Variants in CNTNAP2 observed in about 807,000 individuals in gnomAD.
The protein encoded by CNTNAP2 is contactin associated protein 2.
In CNTNAP2, 98 loss-of-function variants were observed where a neutral mutation model predicts 155.2. The observed-to-expected ratio is 0.63, with a 90% CI of 0.54 to 0.75. The LOEUF (loss-of-function observed/expected upper bound fraction) is 0.75, where lower values mean the gene tolerates loss of function less well. CNTNAP2 is among the 30% of genes least tolerant of loss of function. The pLI is 0.00. For synonymous variants in CNTNAP2, 651 were observed against 631.2 expected, an observed-to-expected ratio of 1.03 and a Z score of -0.47; for missense variants, 1,727 against 1,688.1, an observed-to-expected ratio of 1.02 and a Z score of -0.40.
At chr7:147,747,031 A>G (rs10500192) in intron 13 of CNTNAP2, among the ~76,000 whole-genome samples, 29,273 of 152,204 alleles carry the variant, frequency 0.19, 3,239 homozygotes, top group Middle Eastern at 0.38. Flanking sequence ...TTCTACAAGA[A>G]AGGGTCACAT....
At chr7:146,291,869 G>A (rs528948760) in intron 1 of CNTNAP2, among the ~76,000 whole-genome samples, 1 of 152,094 alleles carries the variant, frequency 6.6e-6, no homozygotes, top group South Asian at 2.1e-4. Flanking sequence ...TAACAGCAAA[G>A]ATAGACAAAT....
chr7:147,445,851 G>A (rs1282339819), intron 10 of CNTNAP2, among the ~76,000 whole-genome samples: 1 of 152,008 alleles, frequency 6.6e-6, no homozygotes, highest in Non-Finnish European at 1.5e-5. Context: ...CTAGAGTGCA[G>A]TGGCATGAAC....
At chr7:147,472,204 C>CTTTTTTTTTT (rs542047274) in intron 10 of CNTNAP2, among the ~76,000 whole-genome samples, 4 of 81,068 alleles carry the variant, frequency 4.9e-5, no homozygotes, top group African/African-American at 1.5e-4. Context: ...TCTTTTTTTC[C>CTTTTTTTTTT]TTTTTTTTTT....
At chr7:147,434,129 G>A (rs1457921549) in intron 10 of CNTNAP2, among the ~76,000 whole-genome samples, 1 of 152,152 alleles carries the variant, frequency 6.6e-6, no homozygotes, top group Non-Finnish European at 1.5e-5. Flanking sequence ...ATATGTTCTT[G>A]ATGCCTATTC....
chr7:146,655,968 A>T (rs1042274753), intron 1 of CNTNAP2, among the ~76,000 whole-genome samples: 2 of 152,184 alleles, frequency 1.3e-5, no homozygotes, highest in Admixed American at 6.5e-5. Context: ...TGTTTGGGTG[A>T]TTTCCACTGA....
intron 17 of CNTNAP2, among the ~76,000 whole-genome samples, chr7:148,157,408 A>G (rs10256938): frequency 0.21 from 31,774 of 151,864 alleles, 3,499 homozygotes; most frequent in African/African-American, 0.29. Context: ...GTTAATATCC[A>G]TATTCAAAAT....
intron 1 of CNTNAP2, among the ~76,000 whole-genome samples, chr7:146,177,608 G>C (rs188974706): frequency 6.6e-6 from 1 of 152,106 alleles, no homozygotes; most frequent in Non-Finnish European, 1.5e-5. Context: ...AGTTTAGTTC[G>C]TACCGGATTT....
At chr7:147,890,328 T>C (rs962983975) in intron 13 of CNTNAP2, among the ~76,000 whole-genome samples, 2 of 152,220 alleles carry the variant, frequency 1.3e-5, no homozygotes, top group African/African-American at 4.8e-5. Flanking sequence ...AGGCTGAAAA[T>C]TATTGATCCA....
At chr7:147,019,905 T>G (rs1798789582) in intron 3 of CNTNAP2, among the ~76,000 whole-genome samples, 1 of 151,832 alleles carries the variant, frequency 6.6e-6, no homozygotes, top group African/African-American at 2.4e-5. Flanking sequence ...AGAAAAAAAA[T>G]AAGTGGACAG....
At position 148,236,437 on chromosome 7, in the gene CNTNAP2, A is replaced by G. The variant is rs534935800; in HGVS notation, c.3381+6658A>G. ...GCTCTAAATATCTAGACTTTTTTCT[A>G]TTCTTTTCATTGATTATTGGGAACT... On this transcript the variant is annotated intron_variant, in intron 20 of 23. Coordinates refer to ENST00000361727, the MANE Select transcript of CNTNAP2 (RefSeq NM_014141.6). Among the ~76,000 whole-genome samples the G allele has an allele frequency of 9.2e-5, 14 of 152,202 alleles. No individual in the cohort carries two copies. In the East Asian group the frequency reaches 1.4e-3, roughly 15 times the overall value.
At chr7:146,731,716 G>A (rs185090075) in intron 1 of CNTNAP2, among the ~76,000 whole-genome samples, 10 of 152,132 alleles carry the variant, frequency 6.6e-5, no homozygotes, top group East Asian at 3.9e-4. Flanking sequence ...TGTTTTTAAC[G>A]TATAAAATTA....
intron 12 of CNTNAP2, among the ~76,000 whole-genome samples, chr7:147,585,762 T>G (rs1156781414): frequency 1.0e-5 from 1 of 98,012 alleles, no homozygotes; most frequent in Non-Finnish European, 1.9e-5. Flanking sequence ...TGTGTCTGTT[T>G]GTGTGTATAT....
intron 14 of CNTNAP2, among the ~76,000 whole-genome samples, chr7:147,905,913 A>C (rs1308106727): frequency 2.0e-5 from 3 of 149,802 alleles, no homozygotes; most frequent in Non-Finnish European, 3.0e-5. Flanking sequence ...AAACAAACAA[A>C]CAAAAAAAAA....
At chr7:146,184,670 G>C (rs1272000594) in intron 1 of CNTNAP2, among the ~76,000 whole-genome samples, 2 of 152,202 alleles carry the variant, frequency 1.3e-5, no homozygotes, top group Non-Finnish European at 2.9e-5. Context: ...GGTACTTCAT[G>C]AAGGATGGTT....
At chr7:146,846,178 G>A (rs934244483) in intron 3 of CNTNAP2, among the ~76,000 whole-genome samples, 3 of 152,060 alleles carry the variant, frequency 2.0e-5, no homozygotes, top group African/African-American at 7.2e-5. Context: ...GGACATGAAT[G>A]TGATTCTTTT....
At chr7:147,632,957 G>A (rs930040872) in intron 12 of CNTNAP2, among the ~76,000 whole-genome samples, 2 of 152,200 alleles carry the variant, frequency 1.3e-5, no homozygotes, top group Admixed American at 1.3e-4. Flanking sequence ...TCAAGAGGAA[G>A]CAGAGCATAA....
intron 15 of CNTNAP2, among the ~76,000 whole-genome samples, chr7:148,117,413 A>C (rs1322949957): frequency 1.3e-5 from 2 of 152,168 alleles, no homozygotes; most frequent in African/African-American, 4.8e-5. Context: ...TAGTCTGGTC[A>C]CTTCTGCCTC....
intron 1 of CNTNAP2, among the ~76,000 whole-genome samples, chr7:146,571,184 A>T (rs1229808014): frequency 6.6e-6 from 1 of 152,116 alleles, no homozygotes; most frequent in Non-Finnish European, 1.5e-5. Flanking sequence ...AGAAGATATA[A>T]TTCATGGTGT....
intron 1 of CNTNAP2, among the ~76,000 whole-genome samples, chr7:146,720,229 A>T (rs1220126736): frequency 1.3e-5 from 2 of 152,020 alleles, no homozygotes; most frequent in Non-Finnish European, 2.9e-5. Context: ...AGTAGTTCTT[A>T]TCCCTATTGT....
Sources: allele counts gnomAD v4.1 joint callset (sites outside exome capture counted in the v4.1 genomes callset), GRCh38; gene constraint gnomAD v4.1.1; transcripts MANE v1.5; gene names NCBI Gene and HGNC (gene_info 2026-07-23, HGNC 2026-07-21).